Variants in EYS observed in about 807,000 individuals in gnomAD.
EYS encodes protein eyes shut homolog.
EYS carries 250 observed loss-of-function variants against 282.1 expected under a neutral mutation model. The observed-to-expected ratio is 0.89, with a 90% confidence interval of 0.80 to 0.98. The LOEUF (loss-of-function observed/expected upper bound fraction) is 0.98, where lower values mean the gene tolerates loss of function less well. EYS is among the 50% of genes least tolerant of loss of function. The pLI, the probability that EYS is intolerant of heterozygous loss-of-function variation, is 0.00. For synonymous variants in EYS, 1,355 were observed against 1,282.9 expected, an observed-to-expected ratio of 1.06 and a Z score of -1.20; for missense variants, 4,016 against 3,709.0, an observed-to-expected ratio of 1.08 and a Z score of -2.15.
intron 11 of EYS, among the ~76,000 whole-genome samples, chr6:65,315,994 C>T (rs1769285645): frequency 6.6e-6 from 1 of 152,094 alleles, no homozygotes; most frequent in South Asian, 2.1e-4. Flanking sequence ...TTTTAATTTG[C>T]ATTTCTCTGA....
chr6:65,012,976 T>C (rs1771927674), intron 13 of EYS, among the ~76,000 whole-genome samples: 1 of 152,170 alleles, frequency 6.6e-6, no homozygotes, highest in Non-Finnish European at 1.5e-5. Flanking sequence ...TATTATGAGA[T>C]TGAAATGTAT....
At chr6:65,353,672 T>A (rs1168704154) in intron 8 of EYS, 55 bp from the exon 9 acceptor site, 1 of 1,448,156 alleles carries the variant, frequency 6.9e-7, no homozygotes, top group South Asian at 1.2e-5. Flanking sequence ...TATTTTTCAA[T>A]ATATACATAT....
chr6:65,560,946 T>C (rs989793889), intron 2 of EYS, among the ~76,000 whole-genome samples: 1 of 152,154 alleles, frequency 6.6e-6, no homozygotes, highest in Non-Finnish European at 1.5e-5. Context: ...AGATTTTTTT[T>C]TAAAGACCTA....
At chr6:65,347,335 C>A (rs1039796421) in intron 9 of EYS, among the ~76,000 whole-genome samples, 1 of 151,694 alleles carries the variant, frequency 6.6e-6, no homozygotes, top group South Asian at 2.1e-4. Context: ...ACTGACTTAC[C>A]TTTCAGCTTT....
At chr6:65,232,953 A>G (rs1246877880) in intron 12 of EYS, among the ~76,000 whole-genome samples, 1 of 152,118 alleles carries the variant, frequency 6.6e-6, no homozygotes, top group Non-Finnish European at 1.5e-5. Context: ...ATATTGTCAC[A>G]TGTGTCAGTA....
intron 14 of EYS, among the ~76,000 whole-genome samples, chr6:64,996,399 T>C (rs1198161685): frequency 6.6e-6 from 1 of 152,152 alleles, no homozygotes; most frequent in Non-Finnish European, 1.5e-5. Context: ...TTAGAAGGTA[T>C]AGGAGAGGTC....
chr6:64,968,642 A>G (rs1462391908), intron 14 of EYS, among the ~76,000 whole-genome samples: 1 of 152,140 alleles, frequency 6.6e-6, no homozygotes, highest in Non-Finnish European at 1.5e-5. Flanking sequence ...TTGGCTTCCA[A>G]AATTCTGCTT....
At chr6:65,344,811 A>T (rs553527503) in intron 9 of EYS, among the ~76,000 whole-genome samples, 43 of 151,806 alleles carry the variant, frequency 2.8e-4, no homozygotes, top group African/African-American at 9.9e-4. Context: ...ACTGGGCTGA[A>T]AACCCATTAT....
Position 64,371,630 on chromosome 6 carries a change from T to C in EYS, c.6078+17060A>G, listed in dbSNP as rs528374943. On this transcript the variant is annotated intron_variant, in intron 29 of 42. Coordinates refer to ENST00000503581, the MANE Select transcript of EYS (RefSeq NM_001142800.2). ...ATGGGGTGTTCAAGTCTTCCACTAT[T>C]ATTCTGTGGTCATCTAAGTCTCTTT... Among the ~76,000 whole-genome samples, 11 of 152,276 alleles carry C rather than the reference T, an allele frequency of 7.2e-5. 1 individual carries two copies. The South Asian group carries it at 2.1e-3, about 29-fold the overall frequency.
At chr6:64,786,332 C>T (rs1013258837) in intron 22 of EYS, among the ~76,000 whole-genome samples, 6 of 151,824 alleles carry the variant, frequency 4.0e-5, no homozygotes, top group Admixed American at 2.0e-4. Context: ...CCAAGTGTGG[C>T]GGAAACCAGC....
At chr6:65,010,485 A>T (rs993978725) in intron 13 of EYS, among the ~76,000 whole-genome samples, 1 of 152,228 alleles carries the variant, frequency 6.6e-6, no homozygotes, top group African/African-American at 2.4e-5. Flanking sequence ...AAGATAGAAC[A>T]TAACTGTCAA....
At chr6:64,450,344 C>T (rs1354043796) in intron 26 of EYS, among the ~76,000 whole-genome samples, 1 of 152,080 alleles carries the variant, frequency 6.6e-6, no homozygotes, top group Admixed American at 6.5e-5. Context: ...ACAGGAGCAC[C>T]CAGATTCGTA....
At chr6:63,753,416 G>A (rs2149649874) in intron 41 of EYS, among the ~76,000 whole-genome samples, 1 of 152,056 alleles carries the variant, frequency 6.6e-6, no homozygotes, top group Middle Eastern at 3.4e-3. Context: ...GAAGGCATAT[G>A]TTTTAGCTCA....
intron 24 of EYS, among the ~76,000 whole-genome samples, chr6:64,616,722 T>C (rs185078673): frequency 6.6e-6 from 1 of 152,240 alleles, no homozygotes; most frequent in Admixed American, 6.5e-5. Context: ...GATTCTTTAT[T>C]CTGGCACTGA....
At chr6:64,208,816 T>C (rs895735166) in intron 31 of EYS, among the ~76,000 whole-genome samples, 5 of 152,112 alleles carry the variant, frequency 3.3e-5, no homozygotes, top group Admixed American at 6.6e-5. Context: ...TAACTGCAAA[T>C]ATTAAATCAA....
intron 22 of EYS, among the ~76,000 whole-genome samples, chr6:64,687,319 T>C (rs565518892): frequency 7.2e-5 from 11 of 152,272 alleles, no homozygotes; most frequent in African/African-American, 2.4e-4. Context: ...AGTAATATGT[T>C]ACAAAAATAA....
rs1764937311 is a variant in EYS at position 64,822,741 on chromosome 6, T to C, written c.3074A>G (p.His1025Arg). 1.3e-6 allele frequency: 2 copies of C among 1,549,978 alleles called. No homozygotes were observed. Among genetic ancestry groups the C allele is most frequent in the Non-Finnish European group, 8.7e-7 (1 of 1,145,846 alleles). ...HDGVCIDGIN[H>R]YTCDCKSGFF... Reference sequence around the variant, plus strand: ...CCCACTCTTGCAGTCACAGGTATAATGATTGATGCCATCGATACAAACTCC... The same window carrying C: ...CCCACTCTTGCAGTCACAGGTATAACGATTGATGCCATCGATACAAACTCC... The change falls in exon 20 of 43, where the codon CAT (histidine) becomes CGT (arginine). Residue 1025 changes from histidine (H) to arginine (R), a missense_variant. Physicochemically the swap from His to Arg is conservative, Grantham distance 29. Transcript: ENST00000503581.
intron 26 of EYS, among the ~76,000 whole-genome samples, chr6:64,502,340 T>C (rs13212239): frequency 2.0e-5 from 3 of 151,766 alleles, no homozygotes; most frequent in Non-Finnish European, 2.9e-5. Flanking sequence ...TCCGGGGTTC[T>C]CGTCATTCTC....
intron 22 of EYS, among the ~76,000 whole-genome samples, chr6:64,741,581 G>C (rs1049903472): frequency 1.3e-5 from 2 of 152,134 alleles, no homozygotes; most frequent in Non-Finnish European, 2.9e-5. Flanking sequence ...TAAGAAAAAG[G>C]CTATTTTATC....
Sources: gnomAD v4.1 joint callset for allele counts (sites outside exome capture counted in the v4.1 genomes callset) on GRCh38, gnomAD v4.1.1 for gene constraint, MANE v1.5 for transcripts, NCBI Gene and HGNC (gene_info 2026-07-23, HGNC 2026-07-21) for gene names.